Variants in CACNG2 observed in about 807,000 individuals in gnomAD.
CACNG2 encodes the protein calcium voltage-gated channel auxiliary subunit gamma 2.
A neutral mutation model predicts 25.9 loss-of-function variants in CACNG2; 3 were observed. The ratio of observed to expected loss-of-function variants is 0.12; its 90% CI spans 0.05 to 0.30. CACNG2 has a LOEUF of 0.30. Among genes scored for constraint, CACNG2 ranks in the 10% least tolerant of loss-of-function variants. The pLI, the probability that CACNG2 is intolerant of heterozygous loss-of-function variation, is 1.00. For missense variants in CACNG2, 341 were observed against 432.5 expected (o/e 0.79, Z 1.88); for synonymous variants, 167 against 173.3 (o/e 0.96, Z 0.29).
intron 1 of CACNG2, among the ~76,000 whole-genome samples, chr22:36,658,797 G>C (rs971794053): frequency 6.6e-6 from 1 of 152,160 alleles, no homozygotes; most frequent in Non-Finnish European, 1.5e-5. Flanking sequence ...GGGAATAGGC[G>C]GGGTGTGGGG....
intron 1 of CACNG2, among the ~76,000 whole-genome samples, chr22:36,667,777 G>A (rs943618849): frequency 6.6e-6 from 1 of 152,142 alleles, no homozygotes. Flanking sequence ...CGAGAAATTA[G>A]GTCACTGGGT....
At chr22:36,690,195 G>A (rs933376377) in intron 1 of CACNG2, among the ~76,000 whole-genome samples, 22 of 152,206 alleles carry the variant, frequency 1.4e-4, no homozygotes, top group Non-Finnish European at 1.6e-4. Context: ...AAACGGCCAC[G>A]CACGGTGGAG....
chr22:36,616,158 G>T (rs1417265256), intron 1 of CACNG2, among the ~76,000 whole-genome samples: 1 of 152,120 alleles, frequency 6.6e-6, no homozygotes, highest in African/African-American at 2.4e-5. Flanking sequence ...TCTGTGATAT[G>T]GAGATAAGAA....
chr22:36,640,157 T>G (rs1353520075), intron 1 of CACNG2, among the ~76,000 whole-genome samples: 1 of 152,160 alleles, frequency 6.6e-6, no homozygotes, highest in African/African-American at 2.4e-5. Flanking sequence ...TTAATATAGT[T>G]GTGCCTCAGT....
intron 1 of CACNG2, among the ~76,000 whole-genome samples, chr22:36,624,990 T>C (rs1297397048): frequency 8.2e-6 from 1 of 121,866 alleles, no homozygotes; most frequent in African/African-American, 3.2e-5. Flanking sequence ...ATCATGCCAC[T>C]GCACTCCAGC....
chr22:36,629,397 TG>T (rs1459613826), intron 1 of CACNG2, among the ~76,000 whole-genome samples: 2 of 151,954 alleles, frequency 1.3e-5, no homozygotes, highest in African/African-American at 4.8e-5. Context: ...GCTCAGAGCT[TG>T]GGGGAGGGAC....
At chr22:36,629,375 C>T (rs1259373477) in intron 1 of CACNG2, among the ~76,000 whole-genome samples, 1 of 152,160 alleles carries the variant, frequency 6.6e-6, no homozygotes, top group African/African-American at 2.4e-5. Flanking sequence ...GATGTAGCCC[C>T]ATCCCCAGGG....
intron 1 of CACNG2, among the ~76,000 whole-genome samples, chr22:36,665,649 C>A (rs9607367): frequency 0.23 from 34,415 of 152,042 alleles, 4,162 homozygotes; most frequent in Middle Eastern, 0.32. Flanking sequence ...TAAGGAAAAG[C>A]AAGTCAAAAC....
At position 36,564,734 on chromosome 22, in the gene CACNG2, C is replaced by T. The variant is rs915061917; in HGVS notation, c.589G>A (p.Ala197Thr). The change falls in exon 4 of 4, where the codon GCG becomes ACG. Residue 197 changes from alanine to threonine, a missense_variant. By Grantham distance (58) the Ala-to-Thr change is moderately conservative (BLOSUM62 0). This residue lies in a region of CACNG2 where 169 missense variants were observed against 254.4 expected (regional missense o/e 0.66). Coordinates refer to ENST00000300105, the MANE Select transcript of CACNG2 (RefSeq NM_006078.5). The surrounding 1 kb of genome is among the most constrained non-coding windows in gnomAD (Gnocchi z 6.7). ...TGCCGGTCGATAAACATGTGCACCGCCAGCACCCCGACCATCTCGGCGATG... is the reference window on the plus strand; with the variant it reads ...TGCCGGTCGATAAACATGTGCACCGTCAGCACCCCGACCATCTCGGCGATG... ...FIIAEMVGVL[A>T]VHMFIDRHKQ... 2 of 1,614,200 alleles carry T rather than the reference C, an allele frequency of 1.2e-6. No individual in the cohort carries two copies. Among genetic ancestry groups the T allele is most frequent in the Non-Finnish European group, 1.7e-6 (2 of 1,180,032 alleles).
chr22:36,657,421 C>T (rs959561050), intron 1 of CACNG2, among the ~76,000 whole-genome samples: 2 of 152,176 alleles, frequency 1.3e-5, no homozygotes, highest in African/African-American at 4.8e-5. Context: ...AAAGCTCATG[C>T]TACTCCCATG....
intron 1 of CACNG2, among the ~76,000 whole-genome samples, chr22:36,687,937 A>T (rs188769400): frequency 1.3e-5 from 2 of 152,348 alleles, no homozygotes; most frequent in African/African-American, 4.8e-5. Context: ...CCTTGGTTCT[A>T]GCCCAGTGAG....
chr22:36,605,984 AG>A (rs1165322138), intron 1 of CACNG2, among the ~76,000 whole-genome samples: 5 of 152,214 alleles, frequency 3.3e-5, no homozygotes, highest in Admixed American at 6.5e-5. Context: ...CATCTTAAGA[AG>A]CCCTGTGGTG....
chr22:36,602,879 CT>C (rs146594213), intron 1 of CACNG2, among the ~76,000 whole-genome samples: 12 of 152,176 alleles, frequency 7.9e-5, no homozygotes, highest in South Asian at 4.1e-4. Flanking sequence ...TTGGACCCCC[CT>C]ATTCTCTAAG....
At position 36,566,297 on chromosome 22, in the gene CACNG2, G is replaced by A. The variant is rs1935123123; in HGVS notation, c.436+56C>T. 1.9e-6 allele frequency: 3 copies of A among 1,583,472 alleles called. No homozygotes were observed. The African/African-American group carries it at 4.0e-5, about 21-fold the overall frequency. On this transcript the variant is annotated intron_variant, in intron 3 of 3. Transcript: ENST00000300105. The stretch of plus-strand genomic sequence containing the variant: ...TCTCTGCCAGGCCCTCGTGGCCCCT[G>A]AGCACCCACACCCCAGCCTTCTTCC...
Position 36,606,765 on chromosome 22 carries a change from T to TGC in CACNG2, c.212-19218_212-19217insGC, listed in dbSNP as rs1390704294. ...CAGACGGTTGGGCTGTGCGTGTGTG[T>TGC]GTGTGTGTGTGTGTATGTGTTTGTA... On this transcript the variant is annotated intron_variant, in intron 1 of 3. Transcript: ENST00000300105. The surrounding 1 kb of genome is among the most constrained non-coding windows in gnomAD (Gnocchi z 5.7). Among the ~76,000 whole-genome samples, 3 of 151,348 alleles carry TGC rather than the reference T, an allele frequency of 2.0e-5. No individual in the cohort carries two copies. The highest frequency in any genetic ancestry group is 4.4e-5 in the Non-Finnish European group (3 of 67,794).
At chr22:36,570,452 C>A (rs1237375020) in intron 2 of CACNG2, among the ~76,000 whole-genome samples, 2 of 152,160 alleles carry the variant, frequency 1.3e-5, no homozygotes, top group East Asian at 1.9e-4. Flanking sequence ...GTGGAAGAGG[C>A]CTCTTTGCCC....
At chr22:36,638,717 C>T (rs1380238565) in intron 1 of CACNG2, among the ~76,000 whole-genome samples, 2 of 151,890 alleles carry the variant, frequency 1.3e-5, no homozygotes, top group African/African-American at 4.8e-5. Context: ...TAGTTTTTCT[C>T]CTCCTCTATT....
rs534497297 is a variant in CACNG2, at chr22:36,584,718, A to C, written c.295+2747T>G. ...CCTCCTCTGGTCTGGGTTAGGGGAC[A>C]GGTTCCCTCAGCACCACACGATTCC... On this transcript the variant is annotated intron_variant, in intron 2 of 3. Transcript: ENST00000300105. 6.1e-3 allele frequency: 932 copies of C among 152,358 alleles called. 13 individuals are homozygous for C. The highest frequency in any genetic ancestry group is 7.0e-3 in the Non-Finnish European group (474 of 68,068). The allele number at this position is 152,358 out of a possible 1,614,324, so 9.4% of individuals were successfully genotyped here. A position where few individuals can be genotyped will look rare whatever the true frequency, so the allele number is the denominator to read the frequency against.
chr22:36,679,179 TTCCTTCCTTCCTTC>T (rs1569049771), intron 1 of CACNG2, among the ~76,000 whole-genome samples: 1 of 130,964 alleles, frequency 7.6e-6, no homozygotes, highest in Admixed American at 7.7e-5. Flanking sequence ...CCTTCCTTCC[TTCCTTCCTTCCTTC>T]CTTCCTTTCT....
Sources: allele counts gnomAD v4.1 joint callset (sites outside exome capture counted in the v4.1 genomes callset), GRCh38; gene constraint gnomAD v4.1.1; regional missense constraint gnomAD v4.1.1; non-coding constraint Gnocchi (gnomAD v3.1); transcripts MANE v1.5; gene names NCBI Gene and HGNC (gene_info 2026-07-23, HGNC 2026-07-21).